Variants in C8A observed in about 807,000 individuals in gnomAD.
C8A encodes the protein complement C8 alpha chain.
In C8A, 67 loss-of-function variants were observed where a neutral mutation model predicts 65.3. The observed-to-expected ratio is 1.03, with a 90% CI of 0.84 to 1.26. C8A has a LOEUF of 1.26. Ranked by LOEUF, C8A falls within the 50% of genes most tolerant of loss-of-function variation. C8A has a pLI of 0.00. For missense variants in C8A, 781 were observed against 723.9 expected (o/e 1.08, Z -0.90); for synonymous variants, 290 against 259.4 (o/e 1.12, Z -1.13).
chr1:56,881,656 C>A (rs1203950336), intron 5 of C8A, 22 bp downstream of exon 5: 1 of 1,606,804 alleles, frequency 6.2e-7, no homozygotes, highest in African/African-American at 1.3e-5. Context: ...CAGAGGGGCT[C>A]TGAGGCCACT....
At position 56,863,117 on chromosome 1, in the gene C8A, G is replaced by A. The variant is rs961739504; in HGVS notation, c.78-4492G>A. Among the ~76,000 whole-genome samples the A allele has an allele frequency of 6.6e-5, 10 of 152,124 alleles. No homozygotes were observed. The East Asian group carries it at 1.9e-3, about 29-fold the overall frequency. On this transcript the variant is annotated intron_variant, in intron 1 of 10. Transcript: ENST00000361249. ...GTAATACTCAGTATGACCTCAATAT[G>A]TTATGAAAATAAACAGAAGAAAATA... is the stretch of plus-strand genomic sequence containing the variant.
At chr1:56,913,875 GA>G (rs1209294264) in intron 10 of C8A, among the ~76,000 whole-genome samples, 1 of 152,220 alleles carries the variant, frequency 6.6e-6, no homozygotes, top group African/African-American at 2.4e-5. Context: ...CCATGTGAAA[GA>G]AACAGGCCAA....
At chr1:56,858,185 T>C (rs1382873822) in intron 1 of C8A, among the ~76,000 whole-genome samples, 3 of 152,180 alleles carry the variant, frequency 2.0e-5, no homozygotes, top group South Asian at 2.1e-4. Context: ...TGTATGCTGA[T>C]TCCATTATTT....
intron 7 of C8A, among the ~76,000 whole-genome samples, chr1:56,890,905 GATTT>G (rs1393493121): frequency 1.3e-5 from 2 of 152,058 alleles, no homozygotes; most frequent in African/African-American, 4.8e-5. Flanking sequence ...CATACTCATA[GATTT>G]ATTTGTTTAT....
chr1:56,869,210 A>T (rs1247186621), intron 2 of C8A, among the ~76,000 whole-genome samples: 1 of 152,102 alleles, frequency 6.6e-6, no homozygotes, highest in Non-Finnish European at 1.5e-5. Context: ...CCATTATATT[A>T]TTCCTATGCT....
At chr1:56,870,086 T>C (rs1644129287) in intron 2 of C8A, among the ~76,000 whole-genome samples, 1 of 152,156 alleles carries the variant, frequency 6.6e-6, no homozygotes, top group Non-Finnish European at 1.5e-5. Flanking sequence ...GATCCCTACG[T>C]GCTCATTTTG....
At chr1:56,859,169 T>G (rs994009021) in intron 1 of C8A, among the ~76,000 whole-genome samples, 1 of 152,252 alleles carries the variant, frequency 6.6e-6, no homozygotes, top group Non-Finnish European at 1.5e-5. Context: ...TACATAACCT[T>G]AAGCAAGTTA....
chr1:56,908,269 G>A (rs1644482643), intron 9 of C8A, among the ~76,000 whole-genome samples, 156 bp downstream of exon 9: 1 of 152,128 alleles, frequency 6.6e-6, no homozygotes, highest in Admixed American at 6.5e-5. Context: ...CTGACTCCAG[G>A]GAGTGCATGA....
chr1:56,875,121 C>T, intron 3 of C8A, 28 bp downstream of exon 3: 1 of 1,610,570 alleles, frequency 6.2e-7, no homozygotes, highest in Non-Finnish European at 8.5e-7. Context: ...AGAATAACAG[C>T]TGTGCCTGTC....
chr1:56,909,990 C>T (rs138584218), intron 9 of C8A, among the ~76,000 whole-genome samples: 3 of 152,294 alleles, frequency 2.0e-5, no homozygotes, highest in East Asian at 3.9e-4. Flanking sequence ...AAGCCACGGG[C>T]AGGCTTTATA....
intron 4 of C8A, among the ~76,000 whole-genome samples, chr1:56,881,089 G>T (rs757425777): frequency 6.6e-6 from 1 of 152,176 alleles, no homozygotes; most frequent in Non-Finnish European, 1.5e-5. Flanking sequence ...GAAGGCTCAG[G>T]CCAGCCCATT....
intron 10 of C8A, among the ~76,000 whole-genome samples, chr1:56,914,357 G>A (rs746610726): frequency 2.0e-5 from 3 of 152,138 alleles, no homozygotes; most frequent in African/African-American, 7.2e-5. Context: ...CCAAGGGATG[G>A]TCGGGCAAGA....
At chr1:56,865,388 G>A (rs1428261585) in intron 1 of C8A, among the ~76,000 whole-genome samples, 7 of 152,180 alleles carry the variant, frequency 4.6e-5, no homozygotes, top group African/African-American at 1.2e-4. Context: ...ACAGGTGATC[G>A]TCTTCTAGCT....
At chr1:56,893,629 T>A (rs1242607825) in intron 7 of C8A, among the ~76,000 whole-genome samples, 1 of 152,188 alleles carries the variant, frequency 6.6e-6, no homozygotes, top group African/African-American at 2.4e-5. Flanking sequence ...GTTGGAAACA[T>A]GGACCCTGCC....
In C8A at chr1:56,883,475, T is replaced by C; in HGVS notation, c.655-6T>C. On this transcript the variant is annotated splice_polypyrimidine_tract_variant and splice_region_variant and intron_variant, in intron 5 of 10. Coordinates refer to ENST00000361249, the MANE Select transcript of C8A (RefSeq NM_000562.3). ...CAAAGCTAATATCTATCCTTTTTTT[T>C]TTCAGGCCCTGGCAGATACTGGAAT... 1 of 1,612,248 alleles carries C rather than the reference T, an allele frequency of 6.2e-7. No individual in the cohort carries two copies. Among genetic ancestry groups the C allele is most frequent in the Non-Finnish European group, 8.5e-7 (1 of 1,178,398 alleles).
chr1:56,883,371 C>T (rs2101237290), intron 5 of C8A, 110 bp from the exon 6 acceptor site: 3 of 932,890 alleles, frequency 3.2e-6, no homozygotes, highest in East Asian at 5.2e-5. Context: ...GAATTACCTA[C>T]CATAATCTAA....
Position 56,856,668 on chromosome 1 carries a change from A to G in C8A, c.77+1690A>G, listed in dbSNP as rs975552957. The stretch of plus-strand genomic sequence containing the variant: ...CATTTTAATGGTACACATTTATTTT[A>G]TAAGTTCATGTTTAACATTTGCTTA... On this transcript the variant is annotated intron_variant, in intron 1 of 10. Coordinates refer to ENST00000361249, the MANE Select transcript of C8A (RefSeq NM_000562.3). 2.0e-5 allele frequency among the ~76,000 whole-genome samples: 3 copies of G among 152,250 alleles called. No homozygotes were observed. In the South Asian group the frequency reaches 6.2e-4, roughly 32 times the overall value.
intron 2 of C8A, among the ~76,000 whole-genome samples, chr1:56,871,206 T>C (rs569308666): frequency 6.6e-6 from 1 of 152,338 alleles, no homozygotes; most frequent in Admixed American, 6.5e-5. Flanking sequence ...TGTTTGACTT[T>C]CACAGCCAAC....
At position 56,864,193 on chromosome 1, in the gene C8A, T is replaced by C. The variant is rs985418254; in HGVS notation, c.78-3416T>C. ...AGGAAATATTTCCCTAAGGAATTGA[T>C]GTTTATGATGAGAATGAAAGATACA... On this transcript the variant is annotated intron_variant, in intron 1 of 10. Coordinates refer to ENST00000361249, the MANE Select transcript of C8A (RefSeq NM_000562.3). Among the ~76,000 whole-genome samples, 5 of 152,218 alleles carry C rather than the reference T, an allele frequency of 3.3e-5. 1 individual carries two copies. The highest frequency in any genetic ancestry group is 2.0e-4 in the Admixed American group (3 of 15,280).
Sources: allele counts gnomAD v4.1 joint callset (sites outside exome capture counted in the v4.1 genomes callset), GRCh38; gene constraint gnomAD v4.1.1; transcripts MANE v1.5; gene names NCBI Gene and HGNC (gene_info 2026-07-23, HGNC 2026-07-21).